Variants in CENPP observed in about 807,000 individuals in gnomAD.
CENPP encodes the protein centromere protein P.
CENPP carries 24 observed loss-of-function variants against 35.6 expected under a neutral mutation model. The ratio of observed to expected loss-of-function variants is 0.67; its 90% CI spans 0.49 to 0.95. The LOEUF (loss-of-function observed/expected upper bound fraction) is 0.95, where lower values mean the gene tolerates loss of function less well. Ranked by LOEUF, CENPP falls within the 40% of genes least tolerant of loss-of-function variation. The pLI, the probability that CENPP is intolerant of heterozygous loss-of-function variation, is 0.00. For synonymous variants in CENPP, 120 were observed against 125.5 expected (o/e 0.96, Z 0.29); for missense variants, 332 against 345.3 (o/e 0.96, Z 0.31).
chr9:92,346,124 A>G (rs184967018), intron 4 of CENPP, among the ~76,000 whole-genome samples: 1 of 152,338 alleles, frequency 6.6e-6, no homozygotes, highest in East Asian at 1.9e-4. Context: ...GCTATGTTAA[A>G]TGCTACAAAG....
At chr9:92,549,172 A>G (rs1849533462) in intron 5 of CENPP, among the ~76,000 whole-genome samples, 1 of 152,184 alleles carries the variant, frequency 6.6e-6, no homozygotes, top group Non-Finnish European at 1.5e-5. Flanking sequence ...CACTCATAGG[A>G]AAATGGGCTA....
intron 1 of CENPP, among the ~76,000 whole-genome samples, chr9:92,329,989 CAA>C (rs1286887187): frequency 6.6e-6 from 1 of 152,000 alleles, no homozygotes; most frequent in Admixed American, 6.6e-5. Flanking sequence ...AAATTTGAGA[CAA>C]ATTTTACAGA....
intron 5 of CENPP, among the ~76,000 whole-genome samples, chr9:92,533,463 C>T (rs1266613359): frequency 6.7e-6 from 1 of 149,872 alleles, no homozygotes; most frequent in Admixed American, 6.7e-5. Flanking sequence ...TTTTAAAACT[C>T]TATTAATCTT....
In CENPP at chr9:92,512,121, A is replaced by G. The variant is rs141793116; in HGVS notation, c.565-99193A>G. 3.7e-4 allele frequency: 599 copies of G among 1,611,910 alleles called. 1 individual carries two copies. The highest frequency in any genetic ancestry group is 4.8e-4 in the Non-Finnish European group (563 of 1,178,218). ...GCTTCATCTGGGATGGAGGCGATGG[A>G]ATTGCCTAGGACACACAGCGGTTAT... On this transcript the variant is annotated intron_variant, in intron 5 of 7. Coordinates refer to ENST00000375587, the MANE Select transcript of CENPP (RefSeq NM_001012267.3).
At chr9:92,407,648 C>T (rs771212093) in intron 5 of CENPP, among the ~76,000 whole-genome samples, 5 of 152,140 alleles carry the variant, frequency 3.3e-5, no homozygotes, top group Non-Finnish European at 7.3e-5. Flanking sequence ...GCTCTGTCAC[C>T]CAAGCTGGAG....
At chr9:92,601,725 C>T (rs1207730443) in intron 5 of CENPP, among the ~76,000 whole-genome samples, 1 of 152,158 alleles carries the variant, frequency 6.6e-6, no homozygotes, top group Non-Finnish European at 1.5e-5. Flanking sequence ...GACTGTAAAT[C>T]GGCTGATCAA....
intron 5 of CENPP, chr9:92,415,510 T>C: frequency 7.8e-7 from 1 of 1,290,170 alleles, no homozygotes; most frequent in Non-Finnish European, 1.1e-6. Flanking sequence ...TAATCTTGTA[T>C]TATAGTATAA....
chr9:92,490,014 C>T (rs1205795117), intron 5 of CENPP, among the ~76,000 whole-genome samples: 1 of 152,216 alleles, frequency 6.6e-6, no homozygotes, highest in African/African-American at 2.4e-5. Context: ...AATTAATATT[C>T]ACCACACTCA....
intron 5 of CENPP, among the ~76,000 whole-genome samples, chr9:92,508,792 T>G (rs1331262281): frequency 6.6e-6 from 1 of 152,212 alleles, no homozygotes; most frequent in Non-Finnish European, 1.5e-5. Flanking sequence ...TGAAGTTTTT[T>G]GGGAGCTACA....
At chr9:92,558,056 T>C (rs978920781) in intron 5 of CENPP, among the ~76,000 whole-genome samples, 7 of 152,238 alleles carry the variant, frequency 4.6e-5, no homozygotes, top group Non-Finnish European at 8.8e-5. Flanking sequence ...TATCATTTTT[T>C]TGGATTTCCT....
chr9:92,412,892 T>C (rs893855754), intron 5 of CENPP, among the ~76,000 whole-genome samples: 12 of 151,896 alleles, frequency 7.9e-5, no homozygotes, highest in African/African-American at 2.9e-4. Context: ...GACATTTATA[T>C]GCAAATTTTG....
At chr9:92,420,166 G>C (rs1215460774) in intron 5 of CENPP, among the ~76,000 whole-genome samples, 1 of 152,012 alleles carries the variant, frequency 6.6e-6, no homozygotes, top group Non-Finnish European at 1.5e-5. Flanking sequence ...TCTTCATTTT[G>C]AGTATTCCGC....
At chr9:92,471,459 T>C (rs1444177688) in intron 5 of CENPP, among the ~76,000 whole-genome samples, 1 of 152,052 alleles carries the variant, frequency 6.6e-6, no homozygotes, top group Non-Finnish European at 1.5e-5. Flanking sequence ...CCTCCCAAAG[T>C]GCTGGTATTA....
At chr9:92,470,179 A>G (rs894436873) in intron 5 of CENPP, among the ~76,000 whole-genome samples, 3 of 152,250 alleles carry the variant, frequency 2.0e-5, no homozygotes, top group African/African-American at 7.2e-5. Context: ...GAATATTAAA[A>G]TGATACTAAT....
chr9:92,604,673 C>T (rs1851023977), intron 5 of CENPP, among the ~76,000 whole-genome samples: 1 of 152,214 alleles, frequency 6.6e-6, no homozygotes, highest in Non-Finnish European at 1.5e-5. Flanking sequence ...CAGCTCGCTG[C>T]AACCTCTGCC....
chr9:92,426,238 A>G lies in CENPP; in HGVS notation c.564+46379A>G, dbSNP rs551566944. Among the ~76,000 whole-genome samples the G allele has an allele frequency of 2.6e-5, 4 of 152,284 alleles. No homozygotes were observed. The East Asian group carries it at 7.7e-4, about 29-fold the overall frequency. ...TAGTTAAGTGGTTATAATTGTAGCA[A>G]TTGGGGAGAAAAGGAGTTGAATTGT... is the stretch of plus-strand genomic sequence containing the variant. On this transcript the variant is annotated intron_variant, in intron 5 of 7. Transcript: ENST00000375587.
chr9:92,601,387 A>C (rs1310424294), intron 5 of CENPP, among the ~76,000 whole-genome samples: 2 of 152,158 alleles, frequency 1.3e-5, no homozygotes, highest in African/African-American at 2.4e-5. Context: ...TAGGTGTGCC[A>C]ATCAGGAAAT....
At chr9:92,416,148 A>C (rs1588114464) in intron 5 of CENPP, among the ~76,000 whole-genome samples, 1 of 149,352 alleles carries the variant, frequency 6.7e-6, no homozygotes, top group Non-Finnish European at 1.5e-5. Flanking sequence ...CATCCAGGCC[A>C]GAAAGCAGTG....
At chr9:92,526,968 T>A (rs1482684113) in intron 5 of CENPP, among the ~76,000 whole-genome samples, 2 of 152,266 alleles carry the variant, frequency 1.3e-5, no homozygotes, top group Non-Finnish European at 2.9e-5. Context: ...TTAGACCATA[T>A]TCTTACCATA....
Sources: gnomAD v4.1 joint callset for allele counts (sites outside exome capture counted in the v4.1 genomes callset) on GRCh38, gnomAD v4.1.1 for gene constraint, MANE v1.5 for transcripts, NCBI Gene and HGNC (gene_info 2026-07-23, HGNC 2026-07-21) for gene names.